KCNH1: variants seen among roughly 807,000 people sequenced by gnomAD.
The protein encoded by KCNH1 is voltage-gated delayed rectifier potassium channel KCNH1.
Under a neutral mutation model 69.2 loss-of-function variants are expected in KCNH1, and 27 were observed. The ratio of observed to expected loss-of-function variants is 0.39; its 90% CI spans 0.29 to 0.54. The LOEUF (loss-of-function observed/expected upper bound fraction) is 0.54. Ranked by LOEUF, KCNH1 falls within the 20% of genes least tolerant of loss-of-function variation. KCNH1 has a pLI of 0.68. For synonymous variants in KCNH1, 456 were observed against 487.7 expected (o/e 0.93, Z 0.86); for missense variants, 798 against 1,261.6 (o/e 0.63, Z 5.57).
chr1:211,114,867 C>T (rs1340933854), intron 1 of KCNH1, among the ~76,000 whole-genome samples: 1 of 152,146 alleles, frequency 6.6e-6, no homozygotes, highest in Non-Finnish European at 1.5e-5. Context: ...TATATAATCT[C>T]CTACATAAAT....
At chr1:211,004,364 C>T (rs1689240487) in intron 6 of KCNH1, among the ~76,000 whole-genome samples, 1 of 151,966 alleles carries the variant, frequency 6.6e-6, no homozygotes, top group Admixed American at 6.6e-5. Flanking sequence ...AATGAATATA[C>T]ATATAGTATA....
chr1:210,856,734 C>CACATTGGA lies in KCNH1; in HGVS notation c.1463-52576_1463-52569dup, dbSNP rs1440359331. On this transcript the variant is annotated intron_variant, in intron 7 of 10. Coordinates refer to ENST00000271751, the MANE Select transcript of KCNH1 (RefSeq NM_172362.3). ...TGGTAATGGTTCTTACCCAGAGGAG[C>CACATTGGA]ACATTGGAATCACCGGTAGAGGAGG... 6.9e-5 allele frequency among the ~76,000 whole-genome samples: 10 copies of CACATTGGA among 144,596 alleles called. No homozygotes were observed. The East Asian group carries it at 2.0e-3, about 29-fold the overall frequency. 94.9% of individuals were successfully genotyped at this position (144,596 alleles called of 152,430 possible).
chr1:211,001,406 T>C (rs963276199), intron 6 of KCNH1, among the ~76,000 whole-genome samples: 11 of 152,014 alleles, frequency 7.2e-5, no homozygotes, highest in Non-Finnish European at 1.2e-4. Flanking sequence ...AAAAGACACA[T>C]GAAAAAATGC....
intron 6 of KCNH1, among the ~76,000 whole-genome samples, chr1:211,004,482 T>C (rs763463918): frequency 2.0e-4 from 31 of 152,154 alleles, no homozygotes; most frequent in Admixed American, 1.3e-4. Flanking sequence ...AATAGAATTG[T>C]ATTTTTCAGA....
At chr1:210,964,784 CAG>C (rs1688367424) in intron 6 of KCNH1, among the ~76,000 whole-genome samples, 1 of 152,070 alleles carries the variant, frequency 6.6e-6, no homozygotes, top group South Asian at 2.1e-4. Flanking sequence ...CAAAACCTGG[CAG>C]AGACACAACA....
Position 211,082,789 on chromosome 1 carries a change from G to T in KCNH1, c.549C>A (p.Arg183=), listed in dbSNP as rs1270025216. The change falls in exon 5 of 11, where the codon CGC becomes CGA. Residue 183 remains arginine (R), a synonymous_variant. Coordinates refer to ENST00000271751, the MANE Select transcript of KCNH1 (RefSeq NM_172362.3). The part of the protein sequence containing the change: ...QKGENVHKHS[R]LAEVLQLGSD... ...AACCCTTTGCCCTTACCTCTGCCAGGCGGGAGTGCTTGTGGACATTCTCGC... is the reference window on the plus strand; with the variant it reads ...AACCCTTTGCCCTTACCTCTGCCAGTCGGGAGTGCTTGTGGACATTCTCGC... 3 of 1,613,474 alleles carry T rather than the reference G, an allele frequency of 1.9e-6. No individual in the cohort carries two copies. Among genetic ancestry groups the T allele is most frequent in the Non-Finnish European group, 2.5e-6 (3 of 1,179,532 alleles).
chr1:210,969,761 C>A (rs1297913201), intron 6 of KCNH1, among the ~76,000 whole-genome samples: 3 of 152,094 alleles, frequency 2.0e-5, no homozygotes, highest in Non-Finnish European at 2.9e-5. Context: ...CTACTTTCAT[C>A]TTTAGCTTCC....
chr1:210,736,393 A>T (rs933194854), intron 10 of KCNH1, among the ~76,000 whole-genome samples: 33 of 152,172 alleles, frequency 2.2e-4, no homozygotes, highest in African/African-American at 7.7e-4. Flanking sequence ...TACTAAAAAT[A>T]CAAAAGTAGA....
intron 1 of KCNH1, among the ~76,000 whole-genome samples, chr1:211,124,835 G>A (rs1278085188): frequency 5.3e-5 from 8 of 152,148 alleles, no homozygotes; most frequent in African/African-American, 1.9e-4. Context: ...TATAACACTG[G>A]CCAATTTCTA....
intron 6 of KCNH1, among the ~76,000 whole-genome samples, chr1:211,004,350 CA>C (rs1272516675): frequency 6.6e-6 from 1 of 151,820 alleles, no homozygotes; most frequent in African/African-American, 2.4e-5. Flanking sequence ...ATGCATAAGA[CA>C]ACAATGAATA....
chr1:211,059,983 C>A (rs1374214567), intron 5 of KCNH1, among the ~76,000 whole-genome samples: 1 of 152,018 alleles, frequency 6.6e-6, no homozygotes, highest in Non-Finnish European at 1.5e-5. Flanking sequence ...ATAAATTAGA[C>A]CACAAATCAA....
chr1:211,126,687 C>CAAA (rs71571980), intron 1 of KCNH1, among the ~76,000 whole-genome samples: 5 of 64,920 alleles, frequency 7.7e-5, no homozygotes, highest in East Asian at 4.6e-4. Flanking sequence ...TATAATATCT[C>CAAA]AAAAAAAAAA....
At chr1:211,058,291 T>C (rs142578440) in intron 5 of KCNH1, among the ~76,000 whole-genome samples, 1,826 of 152,230 alleles carry the variant, frequency 0.012, 41 homozygotes, top group African/African-American at 0.042. Flanking sequence ...TCACTGGTAA[T>C]AGTAAGTACA....
Position 210,683,206 on chromosome 1 carries a change from G to C in KCNH1, c.*75C>G. On this transcript the variant is annotated 3_prime_UTR_variant, in exon 11 of 11. Transcript: ENST00000271751. The surrounding 1 kb of genome is among the most constrained non-coding windows in gnomAD (Gnocchi z 5.7). ...CTACTTGAAAATTGTTGGTCATGTGGACATATGTGGTAGGGGTGGTGGTGA... is the reference window on the plus strand; with the variant it reads ...CTACTTGAAAATTGTTGGTCATGTGCACATATGTGGTAGGGGTGGTGGTGA... 4.3e-6 allele frequency: 6 copies of C among 1,403,962 alleles called. No homozygotes were observed. The South Asian group carries it at 8.0e-5, about 19-fold the overall frequency. 87.0% of individuals were successfully genotyped at this position (1,403,962 alleles called of 1,614,324 possible).
In KCNH1 at chr1:210,919,464, T is replaced by C; in HGVS notation, c.1462+176A>G. The C allele has an allele frequency of 1.5e-6, 1 of 649,596 alleles. No individual in the cohort carries two copies. The allele number at this position is 649,596 out of a possible 1,614,324, so 40.2% of individuals were successfully genotyped here. On this transcript the variant is annotated intron_variant, in intron 7 of 10. Transcript: ENST00000271751. This position sits in a 1 kb window ranked among gnomAD's most constrained non-coding sequence, Gnocchi z 4.2. ...TGCACTCTTTTGTATTTTCTAAATT[T>C]TTTTGCAGTAAGCATATACTGCTTT...
At chr1:210,790,581 A>C (rs1227155462) in intron 9 of KCNH1, among the ~76,000 whole-genome samples, 1 of 152,256 alleles carries the variant, frequency 6.6e-6, no homozygotes, top group Non-Finnish European at 1.5e-5. Context: ...AATTTCACTC[A>C]TGAGCATATC....
chr1:210,912,490 T>C (rs1327303435), intron 7 of KCNH1, among the ~76,000 whole-genome samples: 1 of 152,234 alleles, frequency 6.6e-6, no homozygotes, highest in African/African-American at 2.4e-5. Context: ...ATGTACCTGA[T>C]ATTTTATGCA....
chr1:210,810,929 G>A (rs1488352113), intron 7 of KCNH1, among the ~76,000 whole-genome samples: 1 of 152,186 alleles, frequency 6.6e-6, no homozygotes, highest in East Asian at 1.9e-4. Flanking sequence ...TGTCAACTGT[G>A]AGAATTCACT....
At chr1:210,825,499 C>T (rs781622068) in intron 7 of KCNH1, among the ~76,000 whole-genome samples, 2 of 152,152 alleles carry the variant, frequency 1.3e-5, no homozygotes, top group Non-Finnish European at 2.9e-5. Flanking sequence ...TTTCACACAC[C>T]TTTGCTTTTG....
Sources: allele counts gnomAD v4.1 joint callset (sites outside exome capture counted in the v4.1 genomes callset), GRCh38; gene constraint gnomAD v4.1.1; non-coding constraint Gnocchi (gnomAD v3.1); transcripts MANE v1.5; gene names NCBI Gene and HGNC (gene_info 2026-07-23, HGNC 2026-07-21).